The following TVP23A variants were observed in gnomAD, a reference collection of about 807,000 sequenced individuals.
TVP23A encodes the protein Golgi apparatus membrane protein TVP23 homolog A.
A neutral mutation model predicts 31.7 loss-of-function variants in TVP23A; 21 were observed. The observed-to-expected ratio is 0.66, with a 90% CI of 0.47 to 0.95. TVP23A has a LOEUF of 0.95. Ranked by LOEUF, TVP23A falls within the 40% of genes least tolerant of loss-of-function variation. The pLI is 0.00. For missense variants in TVP23A, 279 were observed against 255.6 expected (o/e 1.09, Z -0.62); for synonymous variants, 104 against 96.0 (o/e 1.08, Z -0.49).
chr16:10,795,282 G>C (rs139086653), intron 2 of TVP23A, among the ~76,000 whole-genome samples: 12 of 148,300 alleles, frequency 8.1e-5, no homozygotes, highest in African/African-American at 2.5e-4. Flanking sequence ...ACAGAGTCTC[G>C]CTCTGTTGCC....
downstream of TVP23A, chr16:10,762,044 G>A: frequency 1.8e-6 from 1 of 544,720 alleles, no homozygotes. Flanking sequence ...CGAGACCCCT[G>A]CGGGCAGGTA....
At chr16:10,805,054 T>G (rs950652689) in intron 2 of TVP23A, among the ~76,000 whole-genome samples, 1 of 152,120 alleles carries the variant, frequency 6.6e-6, no homozygotes, top group Non-Finnish European at 1.5e-5. Flanking sequence ...CTTTCTTTTT[T>G]TCAGACAGAG....
intron 4 of TVP23A, 58 bp downstream of exon 4, chr16:10,773,981 G>C: frequency 7.2e-7 from 1 of 1,394,500 alleles, no homozygotes; most frequent in South Asian, 1.2e-5. Flanking sequence ...GGAACCCACA[G>C]AAACTTTCCA....
chr16:10,807,894 T>C (rs1382852508), intron 2 of TVP23A, among the ~76,000 whole-genome samples: 3 of 152,166 alleles, frequency 2.0e-5, no homozygotes, highest in African/African-American at 7.2e-5. Context: ...TTTTTTCTTT[T>C]TAGAGGTGGG....
At chr16:10,765,228 C>T (rs2030683768), downstream of TVP23A, 1 of 150,582 alleles carries the variant, frequency 6.6e-6, no homozygotes, top group African/African-American at 2.5e-5. This position sits in a 1 kb window ranked among gnomAD's most constrained non-coding sequence, Gnocchi z 4.0. Context: ...CCAAAGTCTC[C>T]TGATACTAAA....
rs2302710 is a variant in TVP23A at position 10,768,066 on chromosome 16, C to A, written c.*1036G>T. On this transcript the variant is annotated 3_prime_UTR_variant, in exon 8 of 8. Coordinates refer to ENST00000299866, the MANE Select transcript of TVP23A (RefSeq NM_001079512.4). This position sits in a 1 kb window ranked among gnomAD's most constrained non-coding sequence, Gnocchi z 4.3. ...TTCCATGAGTACTAAATGCAGATGC[C>A]TGTGGGGCAGGAAGCAACATAAAGG... The A allele has an allele frequency of 2.5e-6, 4 of 1,597,892 alleles. No individual in the cohort carries two copies. In the East Asian group the frequency reaches 8.9e-5, roughly 36 times the overall value.
downstream of TVP23A, among the ~76,000 whole-genome samples, chr16:10,759,758 A>G (rs1009227324): frequency 2.6e-5 from 4 of 152,222 alleles, no homozygotes; most frequent in Non-Finnish European, 1.5e-5. This position sits in a 1 kb window ranked among gnomAD's most constrained non-coding sequence, Gnocchi z 4.7. Flanking sequence ...CCTGGGCGAC[A>G]GAGCAAGACT....
intron 2 of TVP23A, among the ~76,000 whole-genome samples, chr16:10,783,434 G>A (rs2032544470): frequency 6.6e-6 from 1 of 152,134 alleles, no homozygotes; most frequent in South Asian, 2.1e-4. Context: ...GCAGCATTTT[G>A]GGAGGCTGAG....
In TVP23A at chr16:10,773,269, TGCAGAGACA is replaced by T. The variant is rs1344985821; in HGVS notation, c.453+35_453+43del. On this transcript the variant is annotated intron_variant, in intron 5 of 7. Transcript: ENST00000299866. ...AGCCTAGTGGTGCAAACACTTTTTT[TGCAGAGACA>T]TCAAAGCAATGTGGAAGTCAAGATC... is the stretch of plus-strand genomic sequence containing the variant. 3.2e-6 allele frequency: 5 copies of T among 1,551,056 alleles called. No homozygotes were observed. In the Admixed American group the frequency reaches 6.7e-5, roughly 21 times the overall value.
intron 2 of TVP23A, among the ~76,000 whole-genome samples, chr16:10,790,094 T>C (rs1256966165): frequency 6.6e-6 from 1 of 152,106 alleles, no homozygotes; most frequent in African/African-American, 2.4e-5. Flanking sequence ...AGAAGACAAA[T>C]GCTTCCTATT....
At chr16:10,775,436 C>T (rs1284720246) in intron 2 of TVP23A, 10 of 1,084,804 alleles carry the variant, frequency 9.2e-6, no homozygotes, top group Non-Finnish European at 1.1e-5. Context: ...GCAGAGATGA[C>T]GGCCAGTTCC....
chr16:10,817,445 G>A (rs1210429852), intron 2 of TVP23A, among the ~76,000 whole-genome samples: 1 of 152,174 alleles, frequency 6.6e-6, no homozygotes, highest in Non-Finnish European at 1.5e-5. Flanking sequence ...GCTGCCGCCT[G>A]GGCCATCGGC....
At chr16:10,787,997 A>G (rs575474381) in intron 2 of TVP23A, among the ~76,000 whole-genome samples, 10 of 152,262 alleles carry the variant, frequency 6.6e-5, no homozygotes, top group African/African-American at 1.9e-4. Flanking sequence ...ACCGTGACCC[A>G]TGACACAGCC....
chr16:10,785,062 A>T (rs561371956), intron 2 of TVP23A, among the ~76,000 whole-genome samples: 109 of 146,152 alleles, frequency 7.5e-4, no homozygotes, highest in African/African-American at 2.8e-3. Flanking sequence ...ACAACACTAC[A>T]CTCCAGCCTG....
At chr16:10,799,664 T>C (rs2033595862) in intron 2 of TVP23A, among the ~76,000 whole-genome samples, 1 of 152,006 alleles carries the variant, frequency 6.6e-6, no homozygotes, top group South Asian at 2.1e-4. Flanking sequence ...GCATAAGGTA[T>C]GTTGTTGTGT....
intron 2 of TVP23A, among the ~76,000 whole-genome samples, chr16:10,812,637 G>A (rs147851916): frequency 2.2e-3 from 338 of 152,270 alleles, no homozygotes; most frequent in African/African-American, 7.7e-3. Context: ...GCTAAGTGAA[G>A]TAAGCCAATA....
intron 2 of TVP23A, among the ~76,000 whole-genome samples, chr16:10,798,246 C>T (rs1335505063): frequency 1.3e-5 from 2 of 151,860 alleles, no homozygotes; most frequent in African/African-American, 2.4e-5. Context: ...GGTGTGCGCC[C>T]GCGCCCGGCC....
chr16:10,790,410 G>A (rs994702149), intron 2 of TVP23A, among the ~76,000 whole-genome samples: 4 of 148,204 alleles, frequency 2.7e-5, no homozygotes, highest in Non-Finnish European at 4.4e-5. Context: ...TCAGCCTCCC[G>A]AGTAGCTGGG....
At chr16:10,786,217 T>C (rs967979700) in intron 2 of TVP23A, among the ~76,000 whole-genome samples, 1 of 152,182 alleles carries the variant, frequency 6.6e-6, no homozygotes, top group African/African-American at 2.4e-5. Context: ...CAAGATTTAT[T>C]TTTCATCCAC....
Sources: allele counts gnomAD v4.1 joint callset (sites outside exome capture counted in the v4.1 genomes callset), GRCh38; gene constraint gnomAD v4.1.1; non-coding constraint Gnocchi (gnomAD v3.1); transcripts MANE v1.5; gene names NCBI Gene and HGNC (gene_info 2026-07-23, HGNC 2026-07-21).